The following KIF24 variants were observed in gnomAD, a reference collection of about 807,000 sequenced individuals.
KIF24 encodes the protein kinesin family member 24.
In KIF24, 81 loss-of-function variants were observed where a neutral mutation model predicts 118.9. That is an observed-to-expected ratio of 0.68 (90% CI 0.57 to 0.82). The LOEUF (loss-of-function observed/expected upper bound fraction) is 0.82. Among genes scored for constraint, KIF24 ranks in the 40% least tolerant of loss-of-function variants. KIF24 has a pLI of 0.00. For missense variants in KIF24, 1,560 were observed against 1,661.6 expected (o/e 0.94, Z 1.06); for synonymous variants, 599 against 610.0 (o/e 0.98, Z 0.27).
At position 34,311,385 on chromosome 9, in the gene KIF24, GAAA is replaced by G. The variant is rs537588312; in HGVS notation, c.-25-17_-25-15del. The G allele has an allele frequency of 2.1e-4, 301 of 1,419,266 alleles. No individual in the cohort carries two copies. The highest frequency in any genetic ancestry group is 1.8e-3 in the African/African-American group (123 of 70,048). 87.9% of individuals were successfully genotyped at this position (1,419,266 alleles called of 1,614,324 possible). A position where few individuals can be genotyped will look rare whatever the true frequency, so the allele number is the denominator to read the frequency against. On this transcript the variant is annotated splice_polypyrimidine_tract_variant and intron_variant, in intron 1 of 12. Coordinates refer to ENST00000402558, the MANE Select transcript of KIF24 (RefSeq NM_194313.4). Reference sequence around the variant, plus strand: ...TTTCTATAAACTCTGAAGAGAGAAAGAAAAGCCATTCGCTTGAAATAGAGTACA... The same window carrying G: ...TTTCTATAAACTCTGAAGAGAGAAAGAGCCATTCGCTTGAAATAGAGTACA...
At position 34,311,002 on chromosome 9, in the gene KIF24, C is replaced by T. The variant is rs770617914; in HGVS notation, c.345G>A (p.Gly115=). The T allele has an allele frequency of 8.7e-6, 14 of 1,613,944 alleles. No homozygotes were observed. Among genetic ancestry groups the T allele is most frequent in the Non-Finnish European group, 9.3e-6 (11 of 1,179,866 alleles). The part of the protein sequence containing the change: ...DNKDRNASND[G]FEMCSLSDFS... ...AATCTGATAAACTGCACATTTCAAA[C>T]CCATCATTGCTGGCATTTCTGTCTT... is the stretch of plus-strand genomic sequence containing the variant. The change falls in exon 2 of 13, where the codon GGG becomes GGA. Residue 115 remains glycine, a synonymous_variant. Coordinates refer to ENST00000402558, the MANE Select transcript of KIF24 (RefSeq NM_194313.4).
intron 1 of KIF24, among the ~76,000 whole-genome samples, chr9:34,317,916 C>T (rs1315969277): frequency 2.0e-5 from 3 of 152,200 alleles, no homozygotes; most frequent in Admixed American, 2.0e-4. Flanking sequence ...TGGTTTCAGG[C>T]ATCCACCGGG....
chr9:34,311,048 A>C lies in KIF24; in HGVS notation c.299T>G (p.Phe100Cys), dbSNP rs1372007263. 5.2e-5 allele frequency: 84 copies of C among 1,613,974 alleles called. No individual in the cohort carries two copies. Among genetic ancestry groups the C allele is most frequent in the Non-Finnish European group, 7.0e-5 (83 of 1,179,860 alleles). ...GTCTTTATTGTCAGCAGGAGAATCA[A>C]AATTCAGCTGTCTGCGAGGGCCAGA... is the stretch of plus-strand genomic sequence containing the variant. ...LRSGPRRQLNFDSPADNKDRN... is the reference protein window; with the variant it reads ...LRSGPRRQLNCDSPADNKDRN... Residue 100 changes from phenylalanine (F) to cysteine (C), a missense_variant, in exon 2 of 13, where the codon TTT (phenylalanine) becomes TGT (cysteine). Around this residue, in one of 3 missense-constraint regions of KIF24, gnomAD observed 964 missense variants for 988.0 expected, o/e 0.98. Transcript: ENST00000402558.
At chr9:34,312,143 A>G (rs1022896543) in intron 1 of KIF24, among the ~76,000 whole-genome samples, 4 of 152,344 alleles carry the variant, frequency 2.6e-5, no homozygotes, top group South Asian at 2.1e-4. Context: ...AATAGAAGTA[A>G]AGACATCATC....
chr9:34,262,675 A>AATATATATATATATATAT (rs1428160924), intron 9 of KIF24, among the ~76,000 whole-genome samples: 9 of 27,064 alleles, frequency 3.3e-4, no homozygotes, highest in Admixed American at 7.0e-4. Flanking sequence ...AAAAAAAAAA[A>AATATATATATATATATAT]ATATATATAT....
At chr9:34,287,768 T>C (rs540348395) in intron 5 of KIF24, among the ~76,000 whole-genome samples, 1 of 152,206 alleles carries the variant, frequency 6.6e-6, no homozygotes, top group African/African-American at 2.4e-5. Flanking sequence ...CAGTGGTGTG[T>C]GTCTGTAGTC....
chr9:34,284,720 GGAT>G (rs1176632675), intron 6 of KIF24, among the ~76,000 whole-genome samples: 1 of 152,134 alleles, frequency 6.6e-6, no homozygotes, highest in Admixed American at 6.5e-5. Context: ...ACAAAAGTCA[GGAT>G]AATAGGGGGG....
chr9:34,308,094 T>C (rs1289648853), intron 2 of KIF24, among the ~76,000 whole-genome samples: 1 of 151,970 alleles, frequency 6.6e-6, no homozygotes, highest in African/African-American at 2.4e-5. Flanking sequence ...CTTCAGCCAA[T>C]AGTAGCTGGA....
rs1280857111 is a variant in KIF24 at position 34,256,814 on chromosome 9, G to A, written c.2793C>T (p.Pro931=). 2 of 1,613,980 alleles carry A rather than the reference G, an allele frequency of 1.2e-6. No individual in the cohort carries two copies. The highest frequency in any genetic ancestry group is 1.7e-4 in the Middle Eastern group (1 of 6,054). Residue 931 remains proline (P), a synonymous_variant, in exon 11 of 13, where the codon CCC becomes CCT. Coordinates refer to ENST00000402558, the MANE Select transcript of KIF24 (RefSeq NM_194313.4). Reference sequence around the variant, plus strand: ...ATGGCTTCTCTGCCAGGCTGTCTCTGGGAGAAGGCCCTGAGGAAGTAGAGT... The same window carrying A: ...ATGGCTTCTCTGCCAGGCTGTCTCTAGGAGAAGGCCCTGAGGAAGTAGAGT... ...RENSTSSGPS[P]RDSLAEKPYC...
In KIF24 at chr9:34,311,366, T is replaced by C. The variant is rs556909679; in HGVS notation, c.-20A>G. 1.1e-5 allele frequency: 16 copies of C among 1,518,136 alleles called. No homozygotes were observed. Among genetic ancestry groups the C allele is most frequent in the Non-Finnish European group, 1.4e-5 (16 of 1,131,350 alleles). 94.0% of individuals were successfully genotyped at this position (1,518,136 alleles called of 1,614,324 possible). A position where few individuals can be genotyped will look rare whatever the true frequency, so the allele number is the denominator to read the frequency against. The stretch of plus-strand genomic sequence containing the variant: ...TGCCATTTTGGTGAATAGGTTTCTA[T>C]AAACTCTGAAGAGAGAAAGAAAAGC... On this transcript the variant is annotated 5_prime_UTR_variant, in exon 2 of 13. Transcript: ENST00000402558.
chr9:34,316,697 C>T (rs996258043), intron 1 of KIF24, among the ~76,000 whole-genome samples: 4 of 152,164 alleles, frequency 2.6e-5, no homozygotes, highest in Admixed American at 2.0e-4. Context: ...ATGTTAGATG[C>T]TTTATATAAA....
intron 3 of KIF24, among the ~76,000 whole-genome samples, chr9:34,301,382 G>C (rs10972044): frequency 6.6e-6 from 1 of 151,960 alleles, no homozygotes; most frequent in African/African-American, 2.4e-5. Flanking sequence ...CGAGTAGCTG[G>C]GATTACAGGC....
chr9:34,262,670 AAAAAAATATATATATATATATATAT>A (rs1835119501), intron 9 of KIF24, among the ~76,000 whole-genome samples: 2 of 43,516 alleles, frequency 4.6e-5, no homozygotes, highest in Non-Finnish European at 8.4e-5. Flanking sequence ...AAAAAAAAAA[AAAAAAATATATATATATATATATAT>A]ATATATATAT....
chr9:34,272,878 T>C (rs1369315697), intron 6 of KIF24, among the ~76,000 whole-genome samples: 1 of 151,740 alleles, frequency 6.6e-6, no homozygotes, highest in African/African-American at 2.4e-5. Flanking sequence ...CTCTCCTCGG[T>C]CCCTCAAAGT....
intron 8 of KIF24, among the ~76,000 whole-genome samples, chr9:34,266,692 A>AG (rs923805430): frequency 5.3e-5 from 8 of 149,592 alleles, no homozygotes; most frequent in African/African-American, 1.2e-4. Context: ...AAAAAAAAAA[A>AG]AAAGAAAGAA....
At chr9:34,308,590 A>T (rs945419865) in intron 2 of KIF24, among the ~76,000 whole-genome samples, 6 of 152,152 alleles carry the variant, frequency 3.9e-5, no homozygotes, top group Non-Finnish European at 7.4e-5. Context: ...GGCCTAATGC[A>T]TCATTTTAAT....
chr9:34,300,887 A>G (rs1173113662), intron 3 of KIF24, among the ~76,000 whole-genome samples: 1 of 150,834 alleles, frequency 6.6e-6, no homozygotes, highest in Admixed American at 6.6e-5. Context: ...AAAAACCCAC[A>G]ACTAAAGTGG....
rs866484781 is a variant in KIF24, at chr9:34,271,310, C to G, written c.1337+499G>C. On this transcript the variant is annotated intron_variant, in intron 7 of 12. Coordinates refer to ENST00000402558, the MANE Select transcript of KIF24 (RefSeq NM_194313.4). ...TTAGGTAATTACATAGAAACTTTTG[C>G]GGACAGCAATCCAGCAAAAAAAAAA... Among the ~76,000 whole-genome samples, 14 of 139,750 alleles carry G rather than the reference C, an allele frequency of 1.0e-4. No individual in the cohort carries two copies. The South Asian group carries it at 1.6e-3, about 16-fold the overall frequency. 91.7% of individuals were successfully genotyped at this position (139,750 alleles called of 152,430 possible).
At position 34,318,451 on chromosome 9, in the gene KIF24, C is replaced by A; in HGVS notation, c.-25-7080G>T. 1 of 731,642 alleles carries A rather than the reference C, an allele frequency of 1.4e-6. No individual in the cohort carries two copies. Among genetic ancestry groups the A allele is most frequent in the East Asian group, 2.6e-5 (1 of 38,220 alleles). The allele number at this position is 731,642 out of a possible 1,614,324, so 45.3% of individuals were successfully genotyped here. On this transcript the variant is annotated intron_variant, in intron 1 of 12. Transcript: ENST00000402558. The surrounding 1 kb of genome is among the most constrained non-coding windows in gnomAD (Gnocchi z 4.9). The stretch of plus-strand genomic sequence containing the variant: ...GCGCCTTCTGCCTCCTGGCGGTGGC[C>A]TTGGCGACCGAGGTGAAGAAACCTG...
Sources: gnomAD v4.1 joint callset for allele counts (sites outside exome capture counted in the v4.1 genomes callset) on GRCh38, gnomAD v4.1.1 for gene constraint, gnomAD v4.1.1 regional missense constraint, Gnocchi (gnomAD v3.1) non-coding constraint, MANE v1.5 for transcripts, NCBI Gene and HGNC (gene_info 2026-07-23, HGNC 2026-07-21) for gene names.